XKR4: variants seen among roughly 807,000 people sequenced by gnomAD.
XKR4 encodes XK-related protein 4.
Under a neutral mutation model 53.9 loss-of-function variants are expected in XKR4, and 12 were observed. The ratio of observed to expected loss-of-function variants is 0.22; its 90% CI spans 0.14 to 0.36. The LOEUF (loss-of-function observed/expected upper bound fraction) is 0.36, where lower values mean the gene tolerates loss of function less well. Among genes scored for constraint, XKR4 ranks in the 10% least tolerant of loss-of-function variants. The probability of loss-of-function intolerance (pLI) is 1.00; values close to 1 mark genes in which losing one functional copy is unlikely to be tolerated. For synonymous variants in XKR4, 354 were observed against 362.4 expected, an observed-to-expected ratio of 0.98 and a Z score of 0.26; for missense variants, 799 against 859.5, an observed-to-expected ratio of 0.93 and a Z score of 0.88.
intron 1 of XKR4, among the ~76,000 whole-genome samples, chr8:55,337,558 G>A (rs1803480267): frequency 6.6e-6 from 1 of 152,158 alleles, no homozygotes; most frequent in Admixed American, 6.5e-5. Flanking sequence ...ACATCTAGGA[G>A]GGTATATCAT....
chr8:55,123,986 G>A (rs1239059370), intron 1 of XKR4, among the ~76,000 whole-genome samples: 1 of 152,054 alleles, frequency 6.6e-6, no homozygotes, highest in Non-Finnish European at 1.5e-5. Context: ...ACTGTTTTTA[G>A]GTATAGCAAT....
intron 2 of XKR4, among the ~76,000 whole-genome samples, chr8:55,483,737 T>C (rs1327197352): frequency 6.7e-6 from 1 of 149,492 alleles, no homozygotes; most frequent in Non-Finnish European, 1.5e-5. Context: ...ATGCATCCAT[T>C]AGAAAAGTGA....
At chr8:55,257,120 T>TG (rs1563494766) in intron 1 of XKR4, among the ~76,000 whole-genome samples, 1 of 152,190 alleles carries the variant, frequency 6.6e-6, no homozygotes, top group African/African-American at 2.4e-5. Context: ...ATAGGAATTT[T>TG]GGGGGAACAC....
At chr8:55,336,251 G>A (rs961859526) in intron 1 of XKR4, among the ~76,000 whole-genome samples, 11 of 152,006 alleles carry the variant, frequency 7.2e-5, no homozygotes, top group African/African-American at 2.7e-4. Context: ...CACAAGATCT[G>A]ATGGGTTTAT....
intron 1 of XKR4, among the ~76,000 whole-genome samples, chr8:55,259,650 C>T (rs1040968643): frequency 2.3e-4 from 35 of 152,172 alleles, no homozygotes; most frequent in African/African-American, 8.0e-4. Flanking sequence ...AGTGATTCAT[C>T]TCTCCCGAGG....
At chr8:55,461,162 G>A (rs527591397) in intron 2 of XKR4, among the ~76,000 whole-genome samples, 42 of 152,312 alleles carry the variant, frequency 2.8e-4, no homozygotes, top group South Asian at 6.2e-4. Flanking sequence ...ATCTGAGAAC[G>A]GGCAGCCTGC....
intron 1 of XKR4, among the ~76,000 whole-genome samples, chr8:55,286,161 C>T (rs1016586306): frequency 6.6e-6 from 1 of 152,092 alleles, no homozygotes. Context: ...GGGTCTCCTC[C>T]CTCAAAATGA....
In XKR4 at chr8:55,464,424, T is replaced by C. The variant is rs561943546; in HGVS notation, c.1007-58857T>C. Among the ~76,000 whole-genome samples the C allele has an allele frequency of 5.4e-4, 82 of 152,242 alleles. 1 individual carries two copies. The highest frequency in any genetic ancestry group is 1.9e-3 in the African/African-American group (79 of 41,500). ...AGAAAACGCCTTTCACAAAATTCAA[T>C]AACGCTTCATGCTAAAAACTCTCAA... On this transcript the variant is annotated intron_variant, in intron 2 of 2. Transcript: ENST00000327381.
chr8:55,443,529 T>TGAAAA (rs1805299794), intron 2 of XKR4, among the ~76,000 whole-genome samples: 1 of 30,132 alleles, frequency 3.3e-5, no homozygotes, highest in Non-Finnish European at 6.5e-5. Context: ...ATCAGTTACA[T>TGAAAA]TAAAAAAAAA....
intron 1 of XKR4, among the ~76,000 whole-genome samples, chr8:55,170,492 C>T (rs2129358382): frequency 6.6e-6 from 1 of 152,248 alleles, no homozygotes; most frequent in African/African-American, 2.4e-5. Flanking sequence ...TCCCCAGAGC[C>T]TGCAGAAGGA....
chr8:55,400,532 G>A (rs960236701), intron 2 of XKR4, among the ~76,000 whole-genome samples: 5 of 152,148 alleles, frequency 3.3e-5, no homozygotes, highest in African/African-American at 7.2e-5. Context: ...AGTGAGAGGA[G>A]GAATCCCCAT....
intron 2 of XKR4, chr8:55,451,689 C>T: frequency 6.7e-7 from 1 of 1,483,414 alleles, no homozygotes; most frequent in Non-Finnish European, 9.3e-7. Flanking sequence ...GCCCCGGGTA[C>T]CTGCGGTAGA....
chr8:55,259,057 A>G (rs780027220), intron 1 of XKR4, among the ~76,000 whole-genome samples: 5 of 152,204 alleles, frequency 3.3e-5, no homozygotes, highest in Non-Finnish European at 5.9e-5. Flanking sequence ...CCTGCAGGGA[A>G]AATGCCTGGG....
rs368612012 is a variant in XKR4, at chr8:55,107,693, G to C, written c.806+4399G>C. On this transcript the variant is annotated intron_variant, in intron 1 of 2. Coordinates refer to ENST00000327381, the MANE Select transcript of XKR4 (RefSeq NM_052898.2). ...AATTACAAATGATAAAGAGGTTCTA[G>C]AGATAAAGAATGGGTAGAAAAACTA... Among the ~76,000 whole-genome samples, 354 of 152,240 alleles carry C rather than the reference G, an allele frequency of 2.3e-3. 2 individuals are homozygous for C. The highest frequency in any genetic ancestry group is 8.2e-3 in the African/African-American group (342 of 41,570).
intron 2 of XKR4, among the ~76,000 whole-genome samples, chr8:55,372,259 A>G (rs976932226): frequency 6.6e-6 from 1 of 152,138 alleles, no homozygotes; most frequent in South Asian, 2.1e-4. Flanking sequence ...TCATTTGCCA[A>G]CCTCTAACCT....
At chr8:55,512,847 G>C (rs1806650159) in intron 2 of XKR4, among the ~76,000 whole-genome samples, 1 of 152,094 alleles carries the variant, frequency 6.6e-6, no homozygotes, top group East Asian at 1.9e-4. Flanking sequence ...CCCACCACAG[G>C]TGTTCTTTCT....
At chr8:55,160,541 T>C (rs1318050231) in intron 1 of XKR4, among the ~76,000 whole-genome samples, 1 of 152,140 alleles carries the variant, frequency 6.6e-6, no homozygotes, top group Non-Finnish European at 1.5e-5. Context: ...AAGGCCAGAG[T>C]AGGCAGGGTG....
At position 55,410,198 on chromosome 8, in the gene XKR4, A is replaced by G. The variant is rs138182207; in HGVS notation, c.1006+52321A>G. 4.6e-3 allele frequency among the ~76,000 whole-genome samples: 696 copies of G among 152,004 alleles called. 5 individuals are homozygous for G. Among genetic ancestry groups the G allele is most frequent in the African/African-American group, 0.015 (637 of 41,468 alleles). ...CCCCCCTTCTGGCTGCATCTCTCAG[A>G]CAACACCCCATCCTCCACTGCTGCT... is the stretch of plus-strand genomic sequence containing the variant. On this transcript the variant is annotated intron_variant, in intron 2 of 2. Coordinates refer to ENST00000327381, the MANE Select transcript of XKR4 (RefSeq NM_052898.2).
rs1268432393 is a variant in XKR4 at position 55,526,221 on chromosome 8, T to A, written c.*1994T>A. On this transcript the variant is annotated 3_prime_UTR_variant, in exon 3 of 3. Coordinates refer to ENST00000327381, the MANE Select transcript of XKR4 (RefSeq NM_052898.2). ...ATCTAATTCACACAAAGTAGTCCAG[T>A]TCTCTAGCCACCACCTGTAATGGGT... 1 of 152,254 alleles carries A rather than the reference T, an allele frequency of 6.6e-6. No individual in the cohort carries two copies. Among genetic ancestry groups the A allele is most frequent in the Admixed American group, 6.5e-5 (1 of 15,278 alleles). 9.4% of individuals were successfully genotyped at this position (152,254 alleles called of 1,614,324 possible).
Sources: allele counts gnomAD v4.1 joint callset (sites outside exome capture counted in the v4.1 genomes callset), GRCh38; gene constraint gnomAD v4.1.1; transcripts MANE v1.5; gene names NCBI Gene and HGNC (gene_info 2026-07-23, HGNC 2026-07-21).